FOXP1: variants seen among roughly 807,000 people sequenced by gnomAD.
FOXP1 encodes the protein forkhead box P1, also known as forkhead box protein P1.
FOXP1 carries 15 observed loss-of-function variants against 98.2 expected under a neutral mutation model. The ratio of observed to expected loss-of-function variants is 0.15; its 90% CI spans 0.10 to 0.24. FOXP1 has a LOEUF of 0.24. Among genes scored for constraint, FOXP1 ranks in the 10% least tolerant of loss-of-function variants. The pLI, the probability that FOXP1 is intolerant of heterozygous loss-of-function variation, is 1.00. For missense variants in FOXP1, 633 were observed against 848.5 expected (o/e 0.75, Z 3.15); for synonymous variants, 371 against 314.5 (o/e 1.18, Z -1.90).
At chr3:71,141,250 G>A (rs890146081) in intron 6 of FOXP1, among the ~76,000 whole-genome samples, 3 of 129,262 alleles carry the variant, frequency 2.3e-5, no homozygotes, top group Admixed American at 8.8e-5. Context: ...CCTGGTGACA[G>A]AGCAAGACTC....
At chr3:71,506,434 G>A (rs747008492) in intron 2 of FOXP1, among the ~76,000 whole-genome samples, 4 of 151,890 alleles carry the variant, frequency 2.6e-5, no homozygotes, top group Non-Finnish European at 5.9e-5. Flanking sequence ...ATCCGCACAC[G>A]CTCCCTACAC....
chr3:71,145,552 A>G (rs1052357037), intron 6 of FOXP1, among the ~76,000 whole-genome samples: 10 of 152,140 alleles, frequency 6.6e-5, no homozygotes, highest in African/African-American at 1.7e-4. Flanking sequence ...AAAAAAACAA[A>G]AACAAAACAA....
intron 2 of FOXP1, among the ~76,000 whole-genome samples, chr3:71,553,941 T>G (rs1280993729): frequency 1.3e-5 from 2 of 152,222 alleles, no homozygotes; most frequent in African/African-American, 2.4e-5. Flanking sequence ...GCAGTTTGGA[T>G]GCAATTATAA....
At chr3:71,108,024 GC>G (rs1448741337) in intron 7 of FOXP1, among the ~76,000 whole-genome samples, 2 of 152,126 alleles carry the variant, frequency 1.3e-5, no homozygotes, top group Non-Finnish European at 2.9e-5. Context: ...TGAGTAAGGG[GC>G]TCACACATGA....
intron 7 of FOXP1, among the ~76,000 whole-genome samples, chr3:71,086,932 C>T (rs1282495064): frequency 6.6e-6 from 1 of 152,098 alleles, no homozygotes; most frequent in Non-Finnish European, 1.5e-5. Context: ...AAAATAATGA[C>T]TTTGGAAGCA....
rs60423991 is a variant in FOXP1, at chr3:71,406,405, GTA to G, written c.-167-47163_-167-47162del. Among the ~76,000 whole-genome samples the G allele has an allele frequency of 9.2e-4, 97 of 105,746 alleles. 2 individuals are homozygous for G. Among genetic ancestry groups the G allele is most frequent in the Admixed American group, 8.4e-4 (9 of 10,654 alleles). 69.4% of individuals were successfully genotyped at this position (105,746 alleles called of 152,430 possible). A position where few individuals can be genotyped will look rare whatever the true frequency, so the allele number is the denominator to read the frequency against. On this transcript the variant is annotated intron_variant, in intron 3 of 20. Transcript: ENST00000649528. ...TAATTGACACATAATAACTGTATGT[GTA>G]TATATATATATATATATGGTACAGT...
chr3:71,372,405 G>A (rs1219265196), intron 3 of FOXP1, among the ~76,000 whole-genome samples: 1 of 152,112 alleles, frequency 6.6e-6, no homozygotes, highest in Non-Finnish European at 1.5e-5. Flanking sequence ...CAAGGTCTGT[G>A]CTTTCCACTG....
chr3:71,031,475 C>G (rs1459832939), intron 11 of FOXP1, among the ~76,000 whole-genome samples: 1 of 152,072 alleles, frequency 6.6e-6, no homozygotes, highest in Non-Finnish European at 1.5e-5. Context: ...AGGCTTTTTG[C>G]CTCCTGGTGA....
At chr3:71,264,523 G>A (rs1385380410) in intron 5 of FOXP1, among the ~76,000 whole-genome samples, 1 of 152,160 alleles carries the variant, frequency 6.6e-6, no homozygotes, top group East Asian at 1.9e-4. Context: ...CAATTCTTAA[G>A]TCCTTAGACT....
At chr3:71,357,588 A>C (rs1376976950) in intron 4 of FOXP1, among the ~76,000 whole-genome samples, 1 of 152,224 alleles carries the variant, frequency 6.6e-6, no homozygotes, top group East Asian at 1.9e-4. Flanking sequence ...AAGTCTAAGG[A>C]TGCATTTCCC....
At chr3:71,078,097 G>A (rs1240741613) in intron 7 of FOXP1, among the ~76,000 whole-genome samples, 1 of 152,150 alleles carries the variant, frequency 6.6e-6, no homozygotes, top group Non-Finnish European at 1.5e-5. Flanking sequence ...CTCCCAAAGT[G>A]CTGGGATTAC....
At chr3:71,319,441 T>C (rs2075271055) in intron 4 of FOXP1, among the ~76,000 whole-genome samples, 1 of 152,210 alleles carries the variant, frequency 6.6e-6, no homozygotes, top group Non-Finnish European at 1.5e-5. Flanking sequence ...TCAGAATTCA[T>C]AGTTCTGAAA....
chr3:71,494,824 C>G (rs2091296623), intron 2 of FOXP1, among the ~76,000 whole-genome samples: 1 of 151,846 alleles, frequency 6.6e-6, no homozygotes. Context: ...ATGGCAAAGT[C>G]CTATTCTCCA....
intron 16 of FOXP1, 84 bp from the exon 17 acceptor site, chr3:70,977,126 A>C: frequency 1.1e-6 from 1 of 927,794 alleles, no homozygotes; most frequent in African/African-American, 1.6e-5. Flanking sequence ...ATATAAAATC[A>C]CTGTGATTCA....
chr3:71,470,656 T>C (rs1479195586), intron 3 of FOXP1, among the ~76,000 whole-genome samples: 1 of 152,102 alleles, frequency 6.6e-6, no homozygotes, highest in African/African-American at 2.4e-5. Context: ...CGAGAATTGC[T>C]TGAACCCGGA....
chr3:71,480,454 C>A (rs1029125538), intron 3 of FOXP1, among the ~76,000 whole-genome samples: 9 of 152,144 alleles, frequency 5.9e-5, no homozygotes, highest in Admixed American at 1.3e-4. Context: ...TCTCAGATTT[C>A]GAATTTAGGA....
Position 70,956,731 on chromosome 3 carries a change from AGTTTTTTTTTTTTTTTTT to A in FOXP1, c.*2498_*2515del. 2 of 101,722 alleles carry A rather than the reference AGTTTTTTTTTTTTTTTTT, an allele frequency of 2.0e-5. No individual in the cohort carries two copies. The highest frequency in any genetic ancestry group is 3.9e-5 in the Non-Finnish European group (2 of 51,220). 6.3% of individuals were successfully genotyped at this position (101,722 alleles called of 1,614,324 possible). A position where few individuals can be genotyped will look rare whatever the true frequency, so the allele number is the denominator to read the frequency against. On this transcript the variant is annotated 3_prime_UTR_variant, in exon 21 of 21. Transcript: ENST00000649528. ...TGCACATCATGAAGCTGCCTGGAAAAGTTTTTTTTTTTTTTTTTTTTTTTTTTTTTTTTTTTTTTTTTA... is the reference window on the plus strand; with the variant it reads ...TGCACATCATGAAGCTGCCTGGAAAATTTTTTTTTTTTTTTTTTTTTTTTA...
chr3:71,068,454 T>C (rs942469206), intron 7 of FOXP1, among the ~76,000 whole-genome samples: 1 of 152,030 alleles, frequency 6.6e-6, no homozygotes. Context: ...AATGGCCCTG[T>C]GGTGAGGCAG....
At chr3:71,446,891 C>T (rs1328772917) in intron 3 of FOXP1, among the ~76,000 whole-genome samples, 2 of 152,254 alleles carry the variant, frequency 1.3e-5, no homozygotes, top group Non-Finnish European at 2.9e-5. Context: ...TTTCAGGACA[C>T]GCTTTCCATC....
Sources: gnomAD v4.1 joint callset for allele counts (sites outside exome capture counted in the v4.1 genomes callset) on GRCh38, gnomAD v4.1.1 for gene constraint, MANE v1.5 for transcripts, NCBI Gene and HGNC (gene_info 2026-07-23, HGNC 2026-07-21) for gene names.